Variants in DOCK8 observed in about 807,000 individuals in gnomAD.
DOCK8 encodes dedicator of cytokinesis protein 8.
Under a neutral mutation model 245.6 loss-of-function variants are expected in DOCK8, and 141 were observed. The ratio of observed to expected loss-of-function variants is 0.57; its 90% CI spans 0.50 to 0.66. The LOEUF is 0.66. DOCK8 is among the 30% of genes least tolerant of loss of function. The pLI, the probability that DOCK8 is intolerant of heterozygous loss-of-function variation, is 0.00. For synonymous variants in DOCK8, 1,168 were observed against 970.2 expected, an observed-to-expected ratio of 1.20 and a Z score of -3.79; for missense variants, 2,965 against 2,603.4, an observed-to-expected ratio of 1.14 and a Z score of -3.02.
intron 1 of DOCK8, among the ~76,000 whole-genome samples, chr9:256,927 T>C (rs1013723123): frequency 6.6e-6 from 1 of 152,196 alleles, no homozygotes; most frequent in African/African-American, 2.4e-5. Context: ...TGTCTCATCT[T>C]TCTACTGTTC....
chr9:413,569 A>T (rs957276598), intron 28 of DOCK8, among the ~76,000 whole-genome samples: 5 of 152,242 alleles, frequency 3.3e-5, no homozygotes, highest in African/African-American at 1.2e-4. Context: ...TAATAAAAAG[A>T]CAAATAACTC....
chr9:409,128 C>G (rs1253149486), intron 28 of DOCK8, among the ~76,000 whole-genome samples: 4 of 151,608 alleles, frequency 2.6e-5, no homozygotes, highest in Non-Finnish European at 4.4e-5. Context: ...CTTTTGCTTC[C>G]AAGACAGTTG....
At chr9:413,929 G>A (rs2055869983) in intron 28 of DOCK8, among the ~76,000 whole-genome samples, 1 of 152,160 alleles carries the variant, frequency 6.6e-6, no homozygotes, top group Admixed American at 6.5e-5. Context: ...ATCATTTGAG[G>A]CCAGGAGTTC....
rs535193539 is a variant in DOCK8 at position 426,079 on chromosome 9, T to C, written c.4242-806T>C. Among the ~76,000 whole-genome samples the C allele has an allele frequency of 7.2e-5, 11 of 152,278 alleles. No homozygotes were observed. In the South Asian group the frequency reaches 2.3e-3, roughly 32 times the overall value. ...GCATCTTGGTAAAGTCAATTCTTCA[T>C]ACCTCCCTTTCCTTGCAACTAGATT... On this transcript the variant is annotated intron_variant, in intron 33 of 47. Transcript: ENST00000432829.
At chr9:390,072 T>C (rs941879918) in intron 23 of DOCK8, among the ~76,000 whole-genome samples, 1 of 150,956 alleles carries the variant, frequency 6.6e-6, no homozygotes, top group East Asian at 1.9e-4. Context: ...ATTTTATGGA[T>C]GAGAAAACTG....
chr9:400,253 T>C (rs143265256), intron 26 of DOCK8, among the ~76,000 whole-genome samples: 868 of 18,648 alleles, frequency 0.047, 23 homozygotes, highest in African/African-American at 0.21. Context: ...ACCTCCACCA[T>C]CACCACCACC....
At chr9:456,165 A>T (rs1415727385) in intron 46 of DOCK8, 1 of 152,254 alleles carries the variant, frequency 6.6e-6, no homozygotes, top group East Asian at 1.9e-4. Flanking sequence ...AACTCTAAAC[A>T]TAAAATGGGT....
intron 26 of DOCK8, among the ~76,000 whole-genome samples, chr9:400,994 ACCACCACCATTAGC>A (rs2055048620): frequency 4.1e-5 from 5 of 123,126 alleles, no homozygotes; most frequent in East Asian, 5.4e-4. Flanking sequence ...CTCCTCCACC[ACCACCACCATTAGC>A]TCCACCATGA....
At chr9:266,049 C>G (rs2048028027) in intron 1 of DOCK8, among the ~76,000 whole-genome samples, 1 of 152,090 alleles carries the variant, frequency 6.6e-6, no homozygotes, top group Non-Finnish European at 1.5e-5. Context: ...ATGAGAAAAA[C>G]TGATGTCTAC....
chr9:443,903 G>C (rs2057168476), intron 43 of DOCK8, among the ~76,000 whole-genome samples: 1 of 152,176 alleles, frequency 6.6e-6, no homozygotes, highest in South Asian at 2.1e-4. Context: ...ACTCAGACTT[G>C]AGGTCTGTTG....
At chr9:402,055 T>C (rs1208141579) in intron 26 of DOCK8, among the ~76,000 whole-genome samples, 1 of 152,196 alleles carries the variant, frequency 6.6e-6, no homozygotes, top group African/African-American at 2.4e-5. Flanking sequence ...AAACTTTAAG[T>C]TGAGTGTATG....
intron 47 of DOCK8, 67 bp from the exon 48 acceptor site, chr9:464,092 C>A (rs2057899315): frequency 1.7e-5 from 23 of 1,368,686 alleles, no homozygotes; most frequent in Non-Finnish European, 2.4e-5. Flanking sequence ...TTCTAAAAGG[C>A]TAACTGATCT....
chr9:292,484 A>G lies in DOCK8; in HGVS notation c.404+2903A>G, dbSNP rs528667655. 8.4e-5 allele frequency among the ~76,000 whole-genome samples: 12 copies of G among 142,498 alleles called. No individual in the cohort carries two copies. In the Admixed American group the frequency reaches 8.6e-4, roughly 10 times the overall value. 93.5% of individuals were successfully genotyped at this position (142,498 alleles called of 152,430 possible). On this transcript the variant is annotated intron_variant, in intron 4 of 47. Transcript: ENST00000432829. ...ATAATTTATCAACATTTCCAATTTT[A>G]TTTGATAAAAGGTTGTCTTTTTTTT...
rs144581400 is a variant in DOCK8, at chr9:379,781, C to T, written c.2451C>T (p.Ser817=). The T allele has an allele frequency of 6.6e-5, 106 of 1,614,090 alleles. No homozygotes were observed. Among genetic ancestry groups the T allele is most frequent in the Non-Finnish European group, 8.5e-5 (100 of 1,180,048 alleles). Residue 817 remains serine, a synonymous_variant, in exon 21 of 48, where the codon TCC becomes TCT. Coordinates refer to ENST00000432829, the MANE Select transcript of DOCK8 (RefSeq NM_203447.4). Reference sequence around the variant, plus strand: ...CTCTTGGTTCCTCAGCCAACTTCTCCCAGTTTGCCTTCGAGTCCGTGGTGG... The same window carrying T: ...CTCTTGGTTCCTCAGCCAACTTCTCTCAGTTTGCCTTCGAGTCCGTGGTGG... ...MVIAGQTANF[S]QFAFESVVAI... is the part of the protein sequence containing the mutation.
intron 10 of DOCK8, 42 bp downstream of exon 10, chr9:332,520 G>T (rs751024171): frequency 1.4e-5 from 20 of 1,431,368 alleles, no homozygotes; most frequent in African/African-American, 1.4e-5. Flanking sequence ...CATCTTAGAA[G>T]AAGCAGGTAT....
intron 7 of DOCK8, 42 bp from the exon 8 acceptor site, chr9:325,625 TTATC>T: frequency 6.5e-7 from 1 of 1,546,792 alleles, no homozygotes; most frequent in Middle Eastern, 1.7e-4. Flanking sequence ...AAATTCAAAA[TTATC>T]TAACTCAAAG....
chr9:452,144 C>T (rs1375365099), intron 46 of DOCK8, 27 bp downstream of exon 46: 4 of 1,444,208 alleles, frequency 2.8e-6, no homozygotes, highest in African/African-American at 1.4e-5. Context: ...CTGGGAATTT[C>T]AGTAGAGCAG....
chr9:426,851 A>C (rs780411949), intron 33 of DOCK8, 34 bp from the exon 34 acceptor site: 3 of 1,585,598 alleles, frequency 1.9e-6, no homozygotes, highest in African/African-American at 2.7e-5. Context: ...CAGGTTTGAC[A>C]TGCGCTTTAA....
At chr9:297,193 C>T (rs536360338) in intron 4 of DOCK8, among the ~76,000 whole-genome samples, 1 of 152,264 alleles carries the variant, frequency 6.6e-6, no homozygotes, top group Non-Finnish European at 1.5e-5. Flanking sequence ...ATTTTCTAAT[C>T]CTCACAATAG....
Sources: gnomAD v4.1 joint callset for allele counts (sites outside exome capture counted in the v4.1 genomes callset) on GRCh38, gnomAD v4.1.1 for gene constraint, MANE v1.5 for transcripts, NCBI Gene and HGNC (gene_info 2026-07-23, HGNC 2026-07-21) for gene names.